LINGO1: variants seen among roughly 807,000 people sequenced by gnomAD.
LINGO1 encodes the protein leucine rich repeat and Ig domain containing 1.
Under a neutral mutation model 37.3 loss-of-function variants are expected in LINGO1, and 11 were observed. The ratio of observed to expected loss-of-function variants is 0.29; its 90% CI spans 0.19 to 0.49. LINGO1 has a LOEUF of 0.49. Among genes scored for constraint, LINGO1 ranks in the 20% least tolerant of loss-of-function variants. The pLI, the probability that LINGO1 is intolerant of heterozygous loss-of-function variation, is 0.99. For synonymous variants in LINGO1, 387 were observed against 403.0 expected (o/e 0.96, Z 0.48); for missense variants, 585 against 878.2 (o/e 0.67, Z 4.22).
At chr15:77,760,023 C>T (rs1191727797) in intron 1 of LINGO1, among the ~76,000 whole-genome samples, 1 of 152,228 alleles carries the variant, frequency 6.6e-6, no homozygotes, top group Non-Finnish European at 1.5e-5. Context: ...CCCCACTCAC[C>T]GCCTCTCACA....
intron 2 of LINGO1, among the ~76,000 whole-genome samples, chr15:77,702,302 C>G (rs1052763708): frequency 6.6e-6 from 1 of 152,130 alleles, no homozygotes; most frequent in Non-Finnish European, 1.5e-5. Context: ...CTGGGGGACA[C>G]CTGCATCAGG....
intron 3 of LINGO1, among the ~76,000 whole-genome samples, chr15:77,647,075 G>C (rs1442319822): frequency 6.6e-6 from 1 of 151,970 alleles, no homozygotes; most frequent in Non-Finnish European, 1.5e-5. Context: ...ATGGAGGTGC[G>C]GGAGGGCTCG....
chr15:77,759,703 G>T (rs1457280129), intron 1 of LINGO1, among the ~76,000 whole-genome samples: 1 of 152,246 alleles, frequency 6.6e-6, no homozygotes, highest in Non-Finnish European at 1.5e-5. Flanking sequence ...ACGCACTGGA[G>T]CCGGCGACTG....
At chr15:77,814,659 A>T (rs1048496008) in intron 1 of LINGO1, among the ~76,000 whole-genome samples, 4 of 152,186 alleles carry the variant, frequency 2.6e-5, no homozygotes, top group Non-Finnish European at 5.9e-5. Context: ...GAGGAAAGTG[A>T]GGCTCAGTAA....
At chr15:77,771,650 C>T (rs1429651201) in intron 1 of LINGO1, among the ~76,000 whole-genome samples, 3 of 152,186 alleles carry the variant, frequency 2.0e-5, no homozygotes, top group South Asian at 2.1e-4. Context: ...TGGGCACACC[C>T]GAGGAGGAGG....
At chr15:77,813,099 A>G (rs939817212) in intron 1 of LINGO1, among the ~76,000 whole-genome samples, 4 of 152,254 alleles carry the variant, frequency 2.6e-5, no homozygotes, top group Non-Finnish European at 5.9e-5. Context: ...CAAAACAAAG[A>G]CAAACCGCCC....
chr15:77,776,440 G>A (rs573459763), intron 1 of LINGO1, among the ~76,000 whole-genome samples: 168 of 139,028 alleles, frequency 1.2e-3, no homozygotes, highest in African/African-American at 4.7e-3. Context: ...CACCTGTCCC[G>A]GGGCTTTAGC....
chr15:77,717,162 T>C (rs1033012200), intron 2 of LINGO1, among the ~76,000 whole-genome samples: 5 of 150,684 alleles, frequency 3.3e-5, no homozygotes, highest in Non-Finnish European at 7.4e-5. Flanking sequence ...GTTAACTCTC[T>C]GCCGTGGAGC....
At chr15:77,772,146 AAGGCTGG>A (rs2076592182) in intron 1 of LINGO1, among the ~76,000 whole-genome samples, 1 of 152,130 alleles carries the variant, frequency 6.6e-6, no homozygotes, top group Admixed American at 6.5e-5. Context: ...CTCCAGGGCC[AAGGCTGG>A]CCAGGGCTGG....
At chr15:77,692,417 G>A (rs537690872) in intron 1 of LINGO1, among the ~76,000 whole-genome samples, 9 of 152,152 alleles carry the variant, frequency 5.9e-5, no homozygotes, top group South Asian at 2.1e-4. Flanking sequence ...AAACACGGAC[G>A]GAGAGTTTTT....
intron 1 of LINGO1, among the ~76,000 whole-genome samples, chr15:77,748,903 C>T (rs8029188): frequency 0.14 from 16,825 of 120,384 alleles, 1,513 homozygotes; most frequent in African/African-American, 0.26. Flanking sequence ...TTCCTTCCTT[C>T]CTTCTCTTTT....
At chr15:77,776,496 G>GGCAGGAAAGCAGGAAGGCAGGAAA (rs1567577612) in intron 1 of LINGO1, among the ~76,000 whole-genome samples, 21 of 85,634 alleles carry the variant, frequency 2.5e-4, no homozygotes, top group African/African-American at 1.0e-3. Context: ...AAAGCAGGAA[G>GGCAGGAAAGCAGGAAGGCAGGAAA]GCAGGAAGGC....
intron 1 of LINGO1, among the ~76,000 whole-genome samples, chr15:77,773,975 T>C (rs2141408360): frequency 6.6e-6 from 1 of 152,220 alleles, no homozygotes; most frequent in South Asian, 2.1e-4. Flanking sequence ...AAGGGGACAC[T>C]GGGTCAGGAG....
At chr15:77,636,563 G>A (rs2074400573), upstream of LINGO1, among the ~76,000 whole-genome samples, 1 of 152,118 alleles carries the variant, frequency 6.6e-6, no homozygotes, top group Non-Finnish European at 1.5e-5. Context: ...GGAGCTGGGT[G>A]CTCAGGTGGA....
chr15:77,619,635 T>C (rs2073854720), intron 1 of LINGO1, among the ~76,000 whole-genome samples: 1 of 151,922 alleles, frequency 6.6e-6, no homozygotes, highest in Non-Finnish European at 1.5e-5. Flanking sequence ...TACAGTGAAC[T>C]GTGATTGTGC....
At chr15:77,633,115 A>T (rs1314240536), upstream of LINGO1, among the ~76,000 whole-genome samples, 2 of 151,278 alleles carry the variant, frequency 1.3e-5, no homozygotes. Context: ...GCAGCGAAAC[A>T]GGCAGGGGTG....
rs1435556489 is a variant in LINGO1, at chr15:77,810,282, A to C, written c.-458+9976T>G. On this transcript the variant is annotated intron_variant, in intron 1 of 5. Coordinates refer to the LINGO1 transcript ENST00000562933. ...CATGCACACACTCACACACACATAC[A>C]CAAGCACACACACACGGGTAACTAG... Among the ~76,000 whole-genome samples the C allele has an allele frequency of 5.3e-5, 6 of 113,884 alleles. No homozygotes were observed. In the East Asian group the frequency reaches 1.4e-3, roughly 27 times the overall value. The allele number at this position is 113,884 out of a possible 152,430, so 74.7% of individuals were successfully genotyped here.
chr15:77,675,022 C>G (rs1000735732), intron 3 of LINGO1, among the ~76,000 whole-genome samples: 3 of 151,990 alleles, frequency 2.0e-5, no homozygotes, highest in Non-Finnish European at 4.4e-5. Context: ...ACAGAAATGG[C>G]CAACAAGCAT....
At chr15:77,773,708 G>A (rs2076608293) in intron 1 of LINGO1, among the ~76,000 whole-genome samples, 1 of 152,102 alleles carries the variant, frequency 6.6e-6, no homozygotes, top group African/African-American at 2.4e-5. Context: ...GGTCACACTT[G>A]CCTGGGGTCA....
Sources: gnomAD v4.1 joint callset for allele counts (sites outside exome capture counted in the v4.1 genomes callset) on GRCh38, gnomAD v4.1.1 for gene constraint, MANE v1.5 for transcripts, NCBI Gene and HGNC (gene_info 2026-07-23, HGNC 2026-07-21) for gene names.